The following RBFOX1 variants were observed in gnomAD, a reference collection of about 807,000 sequenced individuals.
RBFOX1 encodes the protein RNA binding protein fox-1 homolog 1.
A neutral mutation model predicts 57.7 loss-of-function variants in RBFOX1; 8 were observed. That is an observed-to-expected ratio of 0.14 (90% CI 0.08 to 0.25). The LOEUF is 0.25. Among genes scored for constraint, RBFOX1 ranks in the 10% least tolerant of loss-of-function variants. The pLI, the probability that RBFOX1 is intolerant of heterozygous loss-of-function variation, is 1.00. For missense variants in RBFOX1, 611 were observed against 548.5 expected, an observed-to-expected ratio of 1.11 and a Z score of -1.14; for synonymous variants, 326 against 222.4, an observed-to-expected ratio of 1.47 and a Z score of -4.15.
At chr16:6,252,545 C>T (rs1423568583) in intron 1 of RBFOX1, among the ~76,000 whole-genome samples, 4 of 152,114 alleles carry the variant, frequency 2.6e-5, no homozygotes, top group Admixed American at 6.6e-5. Flanking sequence ...CCAAAAGCCC[C>T]AGTTGGCCAG....
chr16:7,286,727 C>A (rs1254216932), intron 4 of RBFOX1, among the ~76,000 whole-genome samples: 1 of 150,988 alleles, frequency 6.6e-6, no homozygotes, highest in East Asian at 2.0e-4. Flanking sequence ...GGGTACCCAC[C>A]ATTCTCCCGC....
chr16:6,825,607 T>C (rs2092018697), intron 3 of RBFOX1, among the ~76,000 whole-genome samples: 1 of 152,130 alleles, frequency 6.6e-6, no homozygotes, highest in East Asian at 1.9e-4. Context: ...TTTTAGAAAC[T>C]GCAACATCCT....
chr16:6,699,797 A>G (rs1343122090), intron 3 of RBFOX1, among the ~76,000 whole-genome samples: 1 of 152,152 alleles, frequency 6.6e-6, no homozygotes, highest in Non-Finnish European at 1.5e-5. Context: ...ACATGCAGGC[A>G]CGGTGAAGAA....
intron 4 of RBFOX1, among the ~76,000 whole-genome samples, chr16:7,086,628 T>G (rs1214970136): frequency 6.6e-6 from 1 of 152,016 alleles, no homozygotes; most frequent in Admixed American, 6.6e-5. Flanking sequence ...GCCGATGGAT[T>G]TTGTAAGGAG....
intron 14 of RBFOX1, among the ~76,000 whole-genome samples, chr16:7,692,482 C>T (rs935003886): frequency 6.6e-6 from 1 of 152,110 alleles, no homozygotes; most frequent in Non-Finnish European, 1.5e-5. Context: ...CTTGGTGATC[C>T]ATAAGCATAA....
intron 1 of RBFOX1, among the ~76,000 whole-genome samples, chr16:5,337,223 T>C (rs1485772790): frequency 2.6e-5 from 4 of 152,202 alleles, no homozygotes; most frequent in African/African-American, 9.7e-5. Context: ...ACTGGGCTTG[T>C]GAGAAACTCT....
chr16:6,410,326 G>A (rs1259864833), intron 2 of RBFOX1, among the ~76,000 whole-genome samples: 1 of 28,642 alleles, frequency 3.5e-5, no homozygotes, highest in African/African-American at 1.8e-4. Flanking sequence ...TTTTTTTTTT[G>A]AGACAGAGTC....
intron 1 of RBFOX1, among the ~76,000 whole-genome samples, chr16:5,419,691 C>T (rs903093139): frequency 3.3e-5 from 5 of 152,012 alleles, no homozygotes; most frequent in African/African-American, 9.7e-5. Flanking sequence ...GAGTTCTTTT[C>T]TGTGGCAGGG....
intron 4 of RBFOX1, among the ~76,000 whole-genome samples, chr16:7,448,374 C>G (rs1208472382): frequency 6.6e-6 from 1 of 152,134 alleles, no homozygotes; most frequent in Non-Finnish European, 1.5e-5. Context: ...CCTCACAGTT[C>G]CACATTGCTG....
At position 6,514,421 on chromosome 16, in the gene RBFOX1, C is replaced by A. The variant is rs564075342; in HGVS notation, c.-63-140182C>A. The stretch of plus-strand genomic sequence containing the variant: ...TGCCCACATGAATTGATGCTATGCT[C>A]CTTTAAGTGCCAGGTTTAGTCCCCT... On this transcript the variant is annotated intron_variant, in intron 2 of 15. Transcript: ENST00000550418. 1.3e-5 allele frequency among the ~76,000 whole-genome samples: 2 copies of A among 152,148 alleles called. 1 individual carries two copies. Among genetic ancestry groups the A allele is most frequent in the South Asian group, 4.1e-4 (2 of 4,826 alleles).
intron 1 of RBFOX1, among the ~76,000 whole-genome samples, chr16:6,105,273 A>G (rs1395604752): frequency 1.3e-5 from 2 of 152,200 alleles, no homozygotes; most frequent in Non-Finnish European, 2.9e-5. Flanking sequence ...TAAGCTGATC[A>G]TTTGTTTTAA....
chr16:6,588,478 C>G (rs914175121), intron 2 of RBFOX1, among the ~76,000 whole-genome samples: 1 of 151,976 alleles, frequency 6.6e-6, no homozygotes, highest in East Asian at 2.0e-4. Flanking sequence ...CATGACAAAA[C>G]CTCGCATACA....
intron 1 of RBFOX1, among the ~76,000 whole-genome samples, chr16:5,455,288 C>T (rs2068595848): frequency 6.6e-6 from 1 of 151,906 alleles, no homozygotes; most frequent in Admixed American, 6.6e-5. Flanking sequence ...GGCATGTTTC[C>T]AAGAGGGAGT....
intron 3 of RBFOX1, among the ~76,000 whole-genome samples, chr16:5,615,311 A>G (rs1204609615): frequency 6.6e-6 from 1 of 152,146 alleles, no homozygotes; most frequent in Non-Finnish European, 1.5e-5. Context: ...GATTACAGAA[A>G]GGAGCCACTG....
Position 7,353,503 on chromosome 16 carries a change from G to T in RBFOX1, c.28-164644G>T, listed in dbSNP as rs528525258. On this transcript the variant is annotated intron_variant, in intron 4 of 15. Transcript: ENST00000550418. ...AAAACATATGTGTACACAAAAACGT[G>T]TGTACCAGTGTTTATAATAGCATTA... Among the ~76,000 whole-genome samples, 5 of 152,278 alleles carry T rather than the reference G, an allele frequency of 3.3e-5. No homozygotes were observed. The South Asian group carries it at 1.0e-3, about 32-fold the overall frequency.
intron 3 of RBFOX1, among the ~76,000 whole-genome samples, chr16:7,000,623 A>G (rs1372772938): frequency 1.2e-5 from 1 of 81,108 alleles, no homozygotes; most frequent in African/African-American, 4.8e-5. Flanking sequence ...TTTTTGAGAC[A>G]GAGTCTCGCT....
At chr16:6,349,320 C>T (rs898921622) in intron 2 of RBFOX1, among the ~76,000 whole-genome samples, 6 of 152,170 alleles carry the variant, frequency 3.9e-5, no homozygotes, top group African/African-American at 1.4e-4. Flanking sequence ...CATTTTACCT[C>T]TTAGAAGTTT....
At chr16:7,244,730 A>G (rs1181999264) in intron 4 of RBFOX1, among the ~76,000 whole-genome samples, 1 of 152,150 alleles carries the variant, frequency 6.6e-6, no homozygotes, top group Non-Finnish European at 1.5e-5. Context: ...GTAGTGTGTA[A>G]AGATCGGAGG....
chr16:6,424,190 G>C (rs919644147), intron 2 of RBFOX1, among the ~76,000 whole-genome samples: 2 of 152,222 alleles, frequency 1.3e-5, no homozygotes, highest in Non-Finnish European at 2.9e-5. Context: ...AGTGAGCTAA[G>C]ATTGCACCAC....
Sources: allele counts gnomAD v4.1 joint callset (sites outside exome capture counted in the v4.1 genomes callset), GRCh38; gene constraint gnomAD v4.1.1; transcripts MANE v1.5; gene names NCBI Gene and HGNC (gene_info 2026-07-23, HGNC 2026-07-21).